Variants in PPP2R3A observed in about 807,000 individuals in gnomAD.
PPP2R3A encodes the protein serine/threonine-protein phosphatase 2A regulatory subunit B'' subunit alpha.
PPP2R3A carries 80 observed loss-of-function variants against 106.9 expected under a neutral mutation model. That is an observed-to-expected ratio of 0.75 (90% CI 0.62 to 0.90). PPP2R3A has a LOEUF of 0.90. Among genes scored for constraint, PPP2R3A ranks in the 40% least tolerant of loss-of-function variants. The pLI is 0.00. For missense variants in PPP2R3A, 1,386 were observed against 1,350.4 expected, an observed-to-expected ratio of 1.03 and a Z score of -0.41; for synonymous variants, 483 against 468.3, an observed-to-expected ratio of 1.03 and a Z score of -0.41.
intron 5 of PPP2R3A, among the ~76,000 whole-genome samples, chr3:136,055,025 G>T (rs1290887543): frequency 6.6e-6 from 1 of 152,146 alleles, no homozygotes; most frequent in African/African-American, 2.4e-5. Flanking sequence ...AAATGCTACT[G>T]CTCAGTGCAT....
In PPP2R3A at chr3:136,136,068, AAAAAATT is replaced by A. The variant is rs1456876274; in HGVS notation, c.3330-8973_3330-8967del. ...CTCAAAAAAAAAAAAAAAAAAAAAAAAAAAATTATATATATATATATATATAAAAAAC... is the reference window on the plus strand; with the variant it reads ...CTCAAAAAAAAAAAAAAAAAAAAAAAATATATATATATATATATAAAAAAC... On this transcript the variant is annotated intron_variant, in intron 13 of 13. Transcript: ENST00000264977. 2.4e-3 allele frequency among the ~76,000 whole-genome samples: 76 copies of A among 32,304 alleles called. 1 individual carries two copies. Among genetic ancestry groups the A allele is most frequent in the Middle Eastern group, 0.014 (1 of 70 alleles). 21.2% of individuals were successfully genotyped at this position (32,304 alleles called of 152,430 possible).
intron 1 of PPP2R3A, among the ~76,000 whole-genome samples, chr3:135,985,175 A>G (rs1937590556): frequency 6.6e-6 from 1 of 152,158 alleles, no homozygotes; most frequent in Non-Finnish European, 1.5e-5. Context: ...AAATGGACTA[A>G]TACACCTAGC....
chr3:136,118,030 G>A (rs542283299), intron 13 of PPP2R3A, among the ~76,000 whole-genome samples: 2 of 152,268 alleles, frequency 1.3e-5, no homozygotes, highest in African/African-American at 2.4e-5. Context: ...TATCCACCAT[G>A]ATCAAGTGGG....
Position 136,106,244 on chromosome 3 carries a change from C to G in PPP2R3A, c.3251C>G (p.Ser1084Ter). The G allele has an allele frequency of 6.2e-7, 1 of 1,609,226 alleles. No homozygotes were observed. The highest frequency in any genetic ancestry group is 1.1e-5 in the South Asian group (1 of 89,570). ...GTTGAGAACGATGGGCCTGAGCCCT[C>G]AGACTGGGACCGGTTTGCCGCTGAG... ...KDVENDGPEP[S>*]DWDRFAAEEY... is the part of the protein sequence containing the mutation. The change falls in exon 13 of 14, where the codon TCA (serine) becomes TGA (stop). Residue 1084 changes from serine to a stop codon, truncating the protein, a stop_gained. Coordinates refer to ENST00000264977, the MANE Select transcript of PPP2R3A (RefSeq NM_002718.5). LOFTEE classifies it high-confidence loss of function.
intron 5 of PPP2R3A, among the ~76,000 whole-genome samples, chr3:136,066,609 G>T (rs1362850323): frequency 6.6e-6 from 1 of 152,132 alleles, no homozygotes; most frequent in East Asian, 1.9e-4. Flanking sequence ...TGAAGCCTCG[G>T]AGTTTTCAAT....
chr3:136,039,561 G>A (rs997741269), intron 3 of PPP2R3A, among the ~76,000 whole-genome samples: 1 of 152,076 alleles, frequency 6.6e-6, no homozygotes, highest in Non-Finnish European at 1.5e-5. Flanking sequence ...TAGATCCCTT[G>A]CATGCACAGT....
chr3:136,126,152 G>A (rs964550322), intron 13 of PPP2R3A, among the ~76,000 whole-genome samples: 24 of 152,174 alleles, frequency 1.6e-4, no homozygotes, highest in Admixed American at 1.2e-3. Flanking sequence ...GACAGTGGGT[G>A]CAGCCCACAG....
chr3:136,075,289 G>T (rs1446182856), intron 6 of PPP2R3A, among the ~76,000 whole-genome samples: 1 of 152,106 alleles, frequency 6.6e-6, no homozygotes, highest in East Asian at 1.9e-4. Flanking sequence ...TTCTAATTAT[G>T]ATTTATTGTA....
At chr3:136,008,981 C>A (rs1161664878) in intron 2 of PPP2R3A, among the ~76,000 whole-genome samples, 1 of 152,090 alleles carries the variant, frequency 6.6e-6, no homozygotes, top group Non-Finnish European at 1.5e-5. Flanking sequence ...ATCCCCCACC[C>A]CACTTTCCTC....
At position 136,102,022 on chromosome 3, in the gene PPP2R3A, C is replaced by G. The variant is rs376086206; in HGVS notation, c.2943C>G (p.Phe981Leu). The G allele has an allele frequency of 2.7e-5, 43 of 1,613,584 alleles. No homozygotes were observed. The African/African-American group carries it at 5.3e-4, about 20-fold the overall frequency. Residue 981 changes from phenylalanine (F) to leucine (L), a missense_variant, in exon 11 of 14, where the codon TTC becomes TTG. Phe to Leu is a conservative substitution (Grantham distance 22, BLOSUM62 0). Transcript: ENST00000264977. ...TATCATCTAGCATTGAGTATTGGTT[C>G]CGCTGCATGGATGTGGATGGAGACG... ...KRNPTSIEYWFRCMDVDGDGV... is the reference protein window; with the variant it reads ...KRNPTSIEYWLRCMDVDGDGV...
At chr3:135,970,394 C>T (rs1054512448) in intron 1 of PPP2R3A, among the ~76,000 whole-genome samples, 24 of 152,210 alleles carry the variant, frequency 1.6e-4, no homozygotes, top group Admixed American at 3.9e-4. Flanking sequence ...CGATATTTAA[C>T]GGGCCATTTA....
chr3:136,051,627 G>A (rs1434777367), intron 5 of PPP2R3A, among the ~76,000 whole-genome samples: 1 of 152,176 alleles, frequency 6.6e-6, no homozygotes, highest in Non-Finnish European at 1.5e-5. Context: ...ACCACACCTG[G>A]CCATGCCATG....
intron 13 of PPP2R3A, among the ~76,000 whole-genome samples, chr3:136,139,834 A>C (rs535074544): frequency 5.3e-5 from 8 of 151,396 alleles, no homozygotes; most frequent in South Asian, 2.1e-4. Flanking sequence ...TGAAAACCCT[A>C]TCTCTACTAA....
At chr3:136,031,770 C>G (rs1934899284) in intron 3 of PPP2R3A, among the ~76,000 whole-genome samples, 1 of 152,102 alleles carries the variant, frequency 6.6e-6, no homozygotes, top group African/African-American at 2.4e-5. Flanking sequence ...TATGCTTTCC[C>G]TGCTTTATGT....
In PPP2R3A at chr3:136,129,863, C is replaced by T. The variant is rs373627089; in HGVS notation, c.3330-15180C>T. Among the ~76,000 whole-genome samples, 38 of 152,252 alleles carry T rather than the reference C, an allele frequency of 2.5e-4. No homozygotes were observed. In the South Asian group the frequency reaches 3.1e-3, roughly 12 times the overall value. ...TGGGATGCAAGCCTGGTTCAACATA[C>T]GCAAATCAATAAATGTAATCCATCA... On this transcript the variant is annotated intron_variant, in intron 13 of 13. Transcript: ENST00000264977.
At chr3:135,992,224 A>T (rs1329813579) in intron 1 of PPP2R3A, among the ~76,000 whole-genome samples, 2 of 152,160 alleles carry the variant, frequency 1.3e-5, no homozygotes, top group Non-Finnish European at 2.9e-5. Flanking sequence ...AAGATTGCCT[A>T]TGTTTTCCAG....
At chr3:136,125,881 G>C (rs1421675255) in intron 13 of PPP2R3A, among the ~76,000 whole-genome samples, 1 of 151,986 alleles carries the variant, frequency 6.6e-6, no homozygotes, top group African/African-American at 2.4e-5. Context: ...ATGACAAAAA[G>C]CACATTATCA....
chr3:136,140,647 C>G (rs999172251), intron 13 of PPP2R3A, among the ~76,000 whole-genome samples: 27 of 151,590 alleles, frequency 1.8e-4, no homozygotes, highest in South Asian at 6.2e-4. Context: ...ACTTGGGAGG[C>G]TGAGGCAGGA....
chr3:136,082,559 G>T, intron 8 of PPP2R3A, 138 bp downstream of exon 8: 2 of 874,228 alleles, frequency 2.3e-6, no homozygotes, highest in Non-Finnish European at 3.5e-6. Context: ...TTTTTAAGAG[G>T]GGATGAGTGA....
Sources: gnomAD v4.1 joint callset for allele counts (sites outside exome capture counted in the v4.1 genomes callset) on GRCh38, gnomAD v4.1.1 for gene constraint, MANE v1.5 for transcripts, NCBI Gene and HGNC (gene_info 2026-07-23, HGNC 2026-07-21) for gene names.